The following SYNJ1 variants were observed in gnomAD, a reference collection of about 807,000 sequenced individuals.
SYNJ1 encodes polyphosphatidylinositol phosphatase SYNJ1.
SYNJ1 carries 78 observed loss-of-function variants against 168.2 expected under a neutral mutation model. That is an observed-to-expected ratio of 0.46 (90% CI 0.39 to 0.56). The LOEUF (loss-of-function observed/expected upper bound fraction) is 0.56. Ranked by LOEUF, SYNJ1 falls within the 20% of genes least tolerant of loss-of-function variation. The pLI is 0.00. For synonymous variants in SYNJ1, 539 were observed against 548.6 expected, an observed-to-expected ratio of 0.98 and a Z score of 0.24; for missense variants, 1,303 against 1,597.6, an observed-to-expected ratio of 0.82 and a Z score of 3.14.
chr21:32,685,927 A>G lies in SYNJ1; in HGVS notation c.949-10T>C, dbSNP rs771703994. Reference sequence around the variant, plus strand: ...AAGCTTTCAAATGACTCTGAAAGTAAAAAGGCAAATATTCATCTAAATGAA... The same window carrying G: ...AAGCTTTCAAATGACTCTGAAAGTAGAAAGGCAAATATTCATCTAAATGAA... On this transcript the variant is annotated splice_polypyrimidine_tract_variant and intron_variant, in intron 8 of 32. Transcript: ENST00000674351. The G allele has an allele frequency of 6.2e-7, 1 of 1,602,332 alleles. No individual in the cohort carries two copies. The highest frequency in any genetic ancestry group is 1.1e-5 in the South Asian group (1 of 88,466).
At chr21:32,632,077 TAAG>T (rs1422912668) in intron 32 of SYNJ1, among the ~76,000 whole-genome samples, 3 of 152,320 alleles carry the variant, frequency 2.0e-5, no homozygotes, top group East Asian at 1.9e-4. Context: ...TTTGAAATGG[TAAG>T]AAGGAGAATT....
chr21:32,659,326 T>C (rs1488625817), intron 18 of SYNJ1, among the ~76,000 whole-genome samples: 1 of 152,178 alleles, frequency 6.6e-6, no homozygotes, highest in Admixed American at 6.5e-5. Flanking sequence ...TTTTTCTTTA[T>C]GGGAATTATT....
intron 2 of SYNJ1, among the ~76,000 whole-genome samples, chr21:32,715,330 T>G (rs753934637): frequency 6.6e-6 from 1 of 151,976 alleles, no homozygotes; most frequent in Non-Finnish European, 1.5e-5. Flanking sequence ...AAAAATCAGC[T>G]GGGCATGGTG....
intron 13 of SYNJ1, among the ~76,000 whole-genome samples, chr21:32,675,157 A>G (rs2041354740): frequency 1.3e-5 from 2 of 152,182 alleles, no homozygotes; most frequent in African/African-American, 4.8e-5. Context: ...GCTTGTTACC[A>G]ATGCGAACAT....
At chr21:32,654,328 G>A (rs571461715) in intron 21 of SYNJ1, among the ~76,000 whole-genome samples, 1 of 152,150 alleles carries the variant, frequency 6.6e-6, no homozygotes, top group Non-Finnish European at 1.5e-5. Context: ...GGAGGGAACC[G>A]ATTTCTACAA....
chr21:32,695,147 T>C lies in SYNJ1; in HGVS notation c.615A>G (p.Ser205=). Reference sequence around the variant, plus strand: ...TCCCAGCTCGTTCACAGCTTAATCTTGAAATGAGGCAAGCCTTCGCCTGTT... The same window carrying C: ...TCCCAGCTCGTTCACAGCTTAATCTCGAAATGAGGCAAGCCTTCGCCTGTT... ...AHKQAKACLI[S]RLSCERAGTR... is the part of the protein sequence containing the mutation. Residue 205 remains serine (S), a synonymous_variant, in exon 5 of 33, where the codon TCA becomes TCG. Coordinates refer to ENST00000674351, the MANE Select transcript of SYNJ1 (RefSeq NM_203446.3). The C allele has an allele frequency of 6.2e-7, 1 of 1,614,160 alleles. No homozygotes were observed. Among genetic ancestry groups the C allele is most frequent in the South Asian group, 1.1e-5 (1 of 91,088 alleles).
intron 11 of SYNJ1, 49 bp downstream of exon 11, chr21:32,681,445 AAG>A: frequency 6.5e-7 from 1 of 1,530,724 alleles, no homozygotes; most frequent in Non-Finnish European, 8.8e-7. Context: ...AAGCTTTATG[AAG>A]AGAGGAAAAA....
chr21:32,719,774 A>G (rs1269799336), intron 2 of SYNJ1, among the ~76,000 whole-genome samples: 2 of 151,938 alleles, frequency 1.3e-5, no homozygotes, highest in African/African-American at 4.8e-5. Context: ...CAACAAGCAC[A>G]CACATCTCAT....
At chr21:32,683,929 G>T in intron 10 of SYNJ1, 109 bp downstream of exon 10, 1 of 906,946 alleles carries the variant, frequency 1.1e-6, no homozygotes, top group Non-Finnish European at 1.7e-6. Context: ...ACAAAATGAA[G>T]CATAACATTA....
Position 32,672,646 on chromosome 21 carries a change from C to T in SYNJ1, c.1726+694G>A, listed in dbSNP as rs987408561. 5.9e-5 allele frequency among the ~76,000 whole-genome samples: 9 copies of T among 152,202 alleles called. No individual in the cohort carries two copies. In the East Asian group the frequency reaches 1.7e-3, roughly 29 times the overall value. ...TGAGCCACCGTGCCCAGCCCAAAAC[C>T]TTAACAAAAGTATCCTCTGCTAAAT... On this transcript the variant is annotated intron_variant, in intron 14 of 32. Transcript: ENST00000674351.
At chr21:32,634,058 C>T (rs1322906293) in intron 32 of SYNJ1, among the ~76,000 whole-genome samples, 1 of 152,142 alleles carries the variant, frequency 6.6e-6, no homozygotes, top group African/African-American at 2.4e-5. Flanking sequence ...TCTCCTATGG[C>T]AGATAGAATC....
chr21:32,656,216 A>C (rs548739288), intron 21 of SYNJ1, among the ~76,000 whole-genome samples: 1 of 152,286 alleles, frequency 6.6e-6, no homozygotes, highest in South Asian at 2.1e-4. Context: ...CAGATCGCTT[A>C]AGGCCAGGGG....
chr21:32,666,717 G>A, intron 15 of SYNJ1, 144 bp from the exon 16 acceptor site: 2 of 759,314 alleles, frequency 2.6e-6, no homozygotes, highest in South Asian at 3.8e-5. Context: ...CCTTTAAAAA[G>A]GAAAATCTAC....
At position 32,685,603 on chromosome 21, in the gene SYNJ1, TAATAAA is replaced by T. The variant is rs1033215544; in HGVS notation, c.1118+139_1118+144del. On this transcript the variant is annotated intron_variant, in intron 9 of 32. Transcript: ENST00000674351. ...AACAAAGTGAGGCCCTATTTCAAAATAATAAAAATAAAAATAAAATGAAATATTTAA... is the reference window on the plus strand; with the variant it reads ...AACAAAGTGAGGCCCTATTTCAAAATAATAAAAATAAAATGAAATATTTAA... The T allele has an allele frequency of 6.2e-5, 31 of 497,894 alleles. No homozygotes were observed. In the Admixed American group the frequency reaches 1.1e-3, roughly 17 times the overall value. The allele number at this position is 497,894 out of a possible 1,614,324, so 30.8% of individuals were successfully genotyped here.
intron 31 of SYNJ1, among the ~76,000 whole-genome samples, chr21:32,635,495 G>A (rs1473933420): frequency 6.6e-6 from 1 of 152,152 alleles, no homozygotes; most frequent in South Asian, 2.1e-4. Context: ...CTGGCACCCT[G>A]ATCTCAGACT....
intron 8 of SYNJ1, 41 bp downstream of exon 8, chr21:32,686,937 T>A (rs766810318): frequency 8.1e-7 from 1 of 1,237,940 alleles, no homozygotes; most frequent in Non-Finnish European, 1.1e-6. Context: ...CCATTCTAGG[T>A]GTCCATGGGC....
intron 32 of SYNJ1, among the ~76,000 whole-genome samples, chr21:32,632,777 T>C (rs2039396459): frequency 2.6e-5 from 4 of 152,210 alleles, no homozygotes; most frequent in Admixed American, 2.6e-4. Context: ...CCCTGCACTT[T>C]GTAAGGCTGA....
At position 32,669,000 on chromosome 21, in the gene SYNJ1, A is replaced by C. The variant is rs531924863; in HGVS notation, c.1811+1288T>G. On this transcript the variant is annotated intron_variant, in intron 15 of 32. Coordinates refer to ENST00000674351, the MANE Select transcript of SYNJ1 (RefSeq NM_203446.3). ...TGCCATATACTTGCAGGAAAAAAAA[A>C]ATGCCACTTCGCCTAAGAATGTCCT... 7.7e-4 allele frequency among the ~76,000 whole-genome samples: 118 copies of C among 152,318 alleles called. 1 individual carries two copies. The highest frequency in any genetic ancestry group is 2.7e-3 in the African/African-American group (112 of 41,566).
chr21:32,678,717 G>A lies in SYNJ1; in HGVS notation c.1438C>T (p.Leu480=). 6.2e-7 allele frequency: 1 copy of A among 1,613,548 alleles called. No individual in the cohort carries two copies. Residue 480 remains leucine, a synonymous_variant, in exon 12 of 33, where the codon CTA becomes TTA. Transcript: ENST00000674351. ...TCACTATTCAGAGTATTTCCCAGTAGCAAAACATCAATGGCCTCTTGCTTG... is the reference window on the plus strand; with the variant it reads ...TCACTATTCAGAGTATTTCCCAGTAACAAAACATCAATGGCCTCTTGCTTG... ...SSKQEAIDVL[L]LGNTLNSDLA...
Sources: gnomAD v4.1 joint callset for allele counts (sites outside exome capture counted in the v4.1 genomes callset) on GRCh38, gnomAD v4.1.1 for gene constraint, MANE v1.5 for transcripts, NCBI Gene and HGNC (gene_info 2026-07-23, HGNC 2026-07-21) for gene names.